PTK2B: variants seen among roughly 807,000 people sequenced by gnomAD.
PTK2B encodes protein tyrosine kinase 2 beta.
A neutral mutation model predicts 142.9 loss-of-function variants in PTK2B; 71 were observed. That is an observed-to-expected ratio of 0.50 (90% CI 0.41 to 0.61). The LOEUF is 0.61. PTK2B is among the 20% of genes least tolerant of loss of function. The pLI is 0.00. For synonymous variants in PTK2B, 519 were observed against 503.4 expected (o/e 1.03, Z -0.42); for missense variants, 1,105 against 1,320.4 (o/e 0.84, Z 2.53).
intron 1 of PTK2B, among the ~76,000 whole-genome samples, chr8:27,347,989 C>T (rs1804815222): frequency 6.6e-6 from 1 of 152,184 alleles, no homozygotes; most frequent in South Asian, 2.1e-4. Context: ...CTGAAGCAGC[C>T]CATTCTTCTG....
chr8:27,397,539 T>A lies in PTK2B; in HGVS notation c.-37-9T>A, dbSNP rs1473103175. On this transcript the variant is annotated splice_polypyrimidine_tract_variant and intron_variant, in intron 1 of 30. Transcript: ENST00000346049. ...CTCTTTCAGGGCTGACCCTCTGCTG[T>A]CTCTGCAGGACTGCAATGTGCCGAT... 7 of 1,599,840 alleles carry A rather than the reference T, an allele frequency of 4.4e-6. No individual in the cohort carries two copies. Among genetic ancestry groups the A allele is most frequent in the Non-Finnish European group, 6.0e-6 (7 of 1,168,712 alleles).
At chr8:27,416,315 A>G (rs1202755284) in intron 2 of PTK2B, among the ~76,000 whole-genome samples, 1 of 152,222 alleles carries the variant, frequency 6.6e-6, no homozygotes, top group Non-Finnish European at 1.5e-5. Context: ...TGTGGTTGAC[A>G]TTGGTACAGT....
intron 2 of PTK2B, among the ~76,000 whole-genome samples, chr8:27,400,806 G>C (rs545089809): frequency 5.9e-4 from 90 of 152,284 alleles, no homozygotes; most frequent in Non-Finnish European, 7.1e-4. Context: ...GCGTGGGTCT[G>C]GAGCTCAGGA....
Position 27,458,743 on chromosome 8 carries a change from C to G in PTK2B, c.*234C>G. On this transcript the variant is annotated 3_prime_UTR_variant, in exon 31 of 31. Transcript: ENST00000346049. ...CAGGGTGACGGTGACAAAGATGGCT[C>G]AGAGGGGGACTGCTGCTGCCTGGCC... The G allele has an allele frequency of 1.7e-6, 1 of 575,220 alleles. No homozygotes were observed. The highest frequency in any genetic ancestry group is 3.1e-6 in the Non-Finnish European group (1 of 321,606). 35.6% of individuals were successfully genotyped at this position (575,220 alleles called of 1,614,324 possible). A position where few individuals can be genotyped will look rare whatever the true frequency, so the allele number is the denominator to read the frequency against.
At chr8:27,389,284 G>T (rs886615820) in intron 1 of PTK2B, among the ~76,000 whole-genome samples, 1 of 152,112 alleles carries the variant, frequency 6.6e-6, no homozygotes, top group African/African-American at 2.4e-5. Context: ...AAGAAAGGAG[G>T]GAGGGAGGGA....
chr8:27,402,807 T>C (rs1425318430), intron 2 of PTK2B, among the ~76,000 whole-genome samples: 1 of 152,242 alleles, frequency 6.6e-6, no homozygotes, highest in African/African-American at 2.4e-5. Flanking sequence ...TCATTTAAGC[T>C]ACTGTCATCA....
intron 22 of PTK2B, 47 bp downstream of exon 22, chr8:27,443,030 C>T: frequency 1.4e-6 from 2 of 1,478,938 alleles, no homozygotes; most frequent in Non-Finnish European, 1.9e-6. Context: ...AAAGCAAAGC[C>T]AGGTCCCTGT....
intron 4 of PTK2B, among the ~76,000 whole-genome samples, chr8:27,422,074 C>T (rs1457857402): frequency 6.6e-6 from 1 of 152,208 alleles, no homozygotes; most frequent in Non-Finnish European, 1.5e-5. Flanking sequence ...GCCTGTGGAG[C>T]AGGGAGAGAA....
At chr8:27,326,690 G>C (rs893611927) in intron 1 of PTK2B, 24 of 152,952 alleles carry the variant, frequency 1.6e-4, no homozygotes, top group African/African-American at 5.1e-4. Flanking sequence ...TGCTGTTGCT[G>C]AAGGCCCTGT....
chr8:27,364,958 G>T (rs1394167995), intron 1 of PTK2B, among the ~76,000 whole-genome samples: 1 of 152,192 alleles, frequency 6.6e-6, no homozygotes, highest in Non-Finnish European at 1.5e-5. Context: ...CCTGTGGGTA[G>T]TCACCTCTGT....
intron 26 of PTK2B, 70 bp downstream of exon 26, chr8:27,451,148 C>A (rs1811784009): frequency 1.3e-6 from 2 of 1,538,452 alleles, no homozygotes; most frequent in Admixed American, 1.7e-5. Context: ...ATAGGACCCC[C>A]CGCCCAACTT....
At chr8:27,430,292 T>C (rs1810328745) in intron 6 of PTK2B, 72 bp from the exon 7 acceptor site, 1 of 1,603,816 alleles carries the variant, frequency 6.2e-7, no homozygotes, top group Non-Finnish European at 8.5e-7. Context: ...TCTCACCTCT[T>C]CCTGATTGGC....
intron 1 of PTK2B, among the ~76,000 whole-genome samples, chr8:27,374,669 G>C (rs904745142): frequency 1.3e-5 from 2 of 152,184 alleles, no homozygotes; most frequent in Non-Finnish European, 2.9e-5. Flanking sequence ...ACAGGAGGCA[G>C]TTGCGAGTGT....
chr8:27,435,056 C>G (rs924299461), intron 13 of PTK2B, among the ~76,000 whole-genome samples: 1 of 152,142 alleles, frequency 6.6e-6, no homozygotes, highest in Admixed American at 6.5e-5. Flanking sequence ...TAGTACATGG[C>G]TTAAGCAGCT....
rs772765943 is a variant in PTK2B at position 27,444,228 on chromosome 8, C to A, written c.2171C>A (p.Pro724His). The change falls in exon 23 of 31, where the codon CCC (proline) becomes CAC (histidine). Residue 724 changes from proline to histidine, a missense_variant. Coordinates refer to ENST00000346049, the MANE Select transcript of PTK2B (RefSeq NM_173176.3). ...CAGCCCAGCCGACCTAAGTACAGAC[C>A]CCCTCCGCAAACCAACCTCCTGGCT... The part of the protein sequence containing the change: ...PPKPSRPKYR[P>H]PPQTNLLAPK... 63 of 1,613,716 alleles carry A rather than the reference C, an allele frequency of 3.9e-5. No individual in the cohort carries two copies. Among genetic ancestry groups the A allele is most frequent in the Non-Finnish European group, 5.3e-5 (62 of 1,179,800 alleles).
upstream of PTK2B, among the ~76,000 whole-genome samples, chr8:27,320,707 C>A (rs1286394130): frequency 6.6e-6 from 1 of 152,150 alleles, no homozygotes; most frequent in Admixed American, 6.5e-5. Context: ...CTTAAAGTGC[C>A]ACCCTTTGAG....
At chr8:27,334,728 C>T (rs539259656) in intron 1 of PTK2B, among the ~76,000 whole-genome samples, 2 of 152,258 alleles carry the variant, frequency 1.3e-5, no homozygotes, top group East Asian at 1.9e-4. Context: ...AGCCAGACAG[C>T]GCTTCCTCAT....
At chr8:27,450,973 G>A in intron 25 of PTK2B, 70 bp from the exon 26 acceptor site, 1 of 1,611,364 alleles carries the variant, frequency 6.2e-7, no homozygotes, top group South Asian at 1.1e-5. Context: ...CTGGGGCAAG[G>A]GTCCCCTGCA....
intron 1 of PTK2B, among the ~76,000 whole-genome samples, chr8:27,390,707 A>T (rs1050057118): frequency 6.6e-6 from 1 of 152,158 alleles, no homozygotes; most frequent in Non-Finnish European, 1.5e-5. Flanking sequence ...TATGTTTCTA[A>T]TTCTCTCTTC....
Sources: allele counts gnomAD v4.1 joint callset (sites outside exome capture counted in the v4.1 genomes callset), GRCh38; gene constraint gnomAD v4.1.1; transcripts MANE v1.5; gene names NCBI Gene and HGNC (gene_info 2026-07-23, HGNC 2026-07-21).